Variants in DTNB observed in about 807,000 individuals in gnomAD.
DTNB encodes DTN-B.
Under a neutral mutation model 90.7 loss-of-function variants are expected in DTNB, and 63 were observed. The observed-to-expected ratio is 0.69, with a 90% confidence interval of 0.57 to 0.86. The LOEUF is 0.86. Ranked by LOEUF, DTNB falls within the 40% of genes least tolerant of loss-of-function variation. DTNB has a pLI of 0.00. For synonymous variants in DTNB, 277 were observed against 286.7 expected, an observed-to-expected ratio of 0.97 and a Z score of 0.34; for missense variants, 744 against 807.1, an observed-to-expected ratio of 0.92 and a Z score of 0.95.
intron 4 of DTNB, among the ~76,000 whole-genome samples, chr2:25,625,435 T>C (rs1346311068): frequency 6.6e-6 from 1 of 152,172 alleles, no homozygotes; most frequent in African/African-American, 2.4e-5. Flanking sequence ...GTATCAAAGT[T>C]AGTAAAGATG....
At chr2:25,656,685 C>T (rs1045157762) in intron 1 of DTNB, among the ~76,000 whole-genome samples, 8 of 152,186 alleles carry the variant, frequency 5.3e-5, no homozygotes, top group Admixed American at 4.6e-4. Context: ...AACTCTCCAC[C>T]CCTGTCTTCC....
chr2:25,613,306 C>T (rs953635104), intron 4 of DTNB, among the ~76,000 whole-genome samples: 23 of 151,984 alleles, frequency 1.5e-4, no homozygotes, highest in African/African-American at 5.1e-4. Context: ...GCGTATATTG[C>T]GTGATGCTGA....
intron 8 of DTNB, among the ~76,000 whole-genome samples, chr2:25,541,085 A>T (rs902751351): frequency 1.5e-4 from 23 of 152,136 alleles, no homozygotes; most frequent in Non-Finnish European, 2.6e-4. Flanking sequence ...ATGATATAGA[A>T]TATTCATGGT....
chr2:25,627,960 T>A (rs766518121), intron 4 of DTNB, among the ~76,000 whole-genome samples: 6 of 152,046 alleles, frequency 3.9e-5, no homozygotes, highest in African/African-American at 7.2e-5. Context: ...ATGGTCTCCA[T>A]CTCCTGACCT....
intron 1 of DTNB, among the ~76,000 whole-genome samples, chr2:25,665,584 C>T (rs1486045068): frequency 1.3e-5 from 2 of 151,932 alleles, no homozygotes; most frequent in African/African-American, 2.4e-5. Context: ...TGAGATCGTG[C>T]CACTGCACTC....
chr2:25,636,158 T>G (rs1481852742), intron 3 of DTNB, among the ~76,000 whole-genome samples: 1 of 152,142 alleles, frequency 6.6e-6, no homozygotes, highest in Non-Finnish European at 1.5e-5. Flanking sequence ...GAAAAACTTG[T>G]ACAGATTCAT....
At chr2:25,383,692 G>T in intron 19 of DTNB, 144 bp downstream of exon 19, 1 of 1,529,942 alleles carries the variant, frequency 6.5e-7, no homozygotes. Context: ...ACTGTCAGAT[G>T]GGAAAAGTAG....
At chr2:25,455,229 C>A (rs2059833365) in intron 11 of DTNB, among the ~76,000 whole-genome samples, 176 bp downstream of exon 11, 1 of 152,200 alleles carries the variant, frequency 6.6e-6, no homozygotes, top group Non-Finnish European at 1.5e-5. Context: ...TGGCAAGCCT[C>A]CCTCTCTTGT....
chr2:25,607,284 C>CT lies in DTNB; in HGVS notation c.399dup (p.Ala134SerfsTer32). 1 of 1,607,764 alleles carries CT rather than the reference C, an allele frequency of 6.2e-7. No individual in the cohort carries two copies. Among genetic ancestry groups the CT allele is most frequent in the South Asian group, 1.1e-5 (1 of 89,380 alleles). ...CCACCACACATGGTTGCTAACATAGCTTTAACTGAAAATACCGTCAACTTG... is the reference window on the plus strand; with the variant it reads ...CCACCACACATGGTTGCTAACATAGCTTTTAACTGAAAATACCGTCAACTTG... On this transcript the variant is annotated frameshift_variant, in exon 5 of 21. Coordinates refer to ENST00000406818, the MANE Select transcript of DTNB (RefSeq NM_021907.5). LOFTEE classifies it high-confidence loss of function.
intron 9 of DTNB, among the ~76,000 whole-genome samples, chr2:25,525,653 A>G (rs564508274): frequency 1.3e-5 from 2 of 152,284 alleles, no homozygotes; most frequent in Admixed American, 6.5e-5. Context: ...AAAAGAAAAA[A>G]AAATCCAAGG....
intron 4 of DTNB, among the ~76,000 whole-genome samples, chr2:25,614,598 ATGC>A (rs1354333224): frequency 1.3e-5 from 2 of 152,246 alleles, no homozygotes; most frequent in African/African-American, 4.8e-5. Flanking sequence ...CAAGATCTGT[ATGC>A]TGAAAACTAC....
intron 18 of DTNB, among the ~76,000 whole-genome samples, chr2:25,385,255 T>C (rs1040336399): frequency 2.0e-5 from 3 of 152,190 alleles, no homozygotes; most frequent in African/African-American, 7.2e-5. Flanking sequence ...GCTATGTATA[T>C]ACAGTATGTA....
At chr2:25,615,517 A>C (rs1236811974) in intron 4 of DTNB, among the ~76,000 whole-genome samples, 1 of 152,198 alleles carries the variant, frequency 6.6e-6, no homozygotes, top group African/African-American at 2.4e-5. Context: ...TCAGGAAGTT[A>C]CAAAGGTATT....
chr2:25,482,944 A>G (rs889944819), intron 9 of DTNB, 71 bp from the exon 10 acceptor site: 5 of 1,436,088 alleles, frequency 3.5e-6, no homozygotes, highest in Non-Finnish European at 4.7e-6. Flanking sequence ...GACGATAAGC[A>G]TGGTAAGAGC....
At chr2:25,629,211 A>G (rs138313593) in intron 3 of DTNB, among the ~76,000 whole-genome samples, 341 of 152,326 alleles carry the variant, frequency 2.2e-3, no homozygotes, top group Admixed American at 5.2e-3. Context: ...AACCACCAAC[A>G]AAATTCTACA....
chr2:25,617,750 C>T (rs938734233), intron 4 of DTNB, among the ~76,000 whole-genome samples: 18 of 151,980 alleles, frequency 1.2e-4, no homozygotes, highest in Admixed American at 3.3e-4. Flanking sequence ...TGGTGATACG[C>T]GCCTGTAGTT....
chr2:25,468,529 A>G (rs369888077), intron 10 of DTNB, among the ~76,000 whole-genome samples: 8 of 152,202 alleles, frequency 5.3e-5, no homozygotes, highest in South Asian at 4.1e-4. Context: ...CGGGAGTCCA[A>G]AGAGAACCAC....
intron 8 of DTNB, among the ~76,000 whole-genome samples, chr2:25,575,235 C>A (rs1248720051): frequency 1.3e-5 from 2 of 148,362 alleles, no homozygotes; most frequent in Admixed American, 6.7e-5. Context: ...ACTCTACACA[C>A]ACACACACAA....
chr2:25,549,311 C>A (rs183980547), intron 8 of DTNB, among the ~76,000 whole-genome samples: 6 of 151,814 alleles, frequency 4.0e-5, no homozygotes, highest in Admixed American at 2.0e-4. Context: ...TCATGACTTT[C>A]TTTTCTCCTA....
Sources: allele counts gnomAD v4.1 joint callset (sites outside exome capture counted in the v4.1 genomes callset), GRCh38; gene constraint gnomAD v4.1.1; transcripts MANE v1.5; gene names NCBI Gene and HGNC (gene_info 2026-07-23, HGNC 2026-07-21).